Variants in NOX4 observed in about 807,000 individuals in gnomAD.
NOX4 encodes kidney oxidase-1.
A neutral mutation model predicts 87.6 loss-of-function variants in NOX4; 69 were observed. The ratio of observed to expected loss-of-function variants is 0.79; its 90% CI spans 0.65 to 0.96. The LOEUF (loss-of-function observed/expected upper bound fraction) is 0.96, where lower values mean the gene tolerates loss of function less well. Ranked by LOEUF, NOX4 falls within the 40% of genes least tolerant of loss-of-function variation. The probability of loss-of-function intolerance (pLI) is 0.00; values close to 1 mark genes in which losing one functional copy is unlikely to be tolerated. For missense variants in NOX4, 680 were observed against 681.5 expected (o/e 1.00, Z 0.02); for synonymous variants, 275 against 238.2 (o/e 1.15, Z -1.42).
At chr11:89,440,849 G>T in intron 5 of NOX4, 134 bp from the exon 6 acceptor site, 1 of 483,932 alleles carries the variant, frequency 2.1e-6, no homozygotes, top group Non-Finnish European at 3.7e-6. Flanking sequence ...AAGTGAGAAA[G>T]ACTCGATTAA....
chr11:89,471,100 T>C (rs922501026), intron 2 of NOX4, among the ~76,000 whole-genome samples: 8 of 152,280 alleles, frequency 5.3e-5, no homozygotes, highest in Admixed American at 5.2e-4. Context: ...CTCTCCAAAT[T>C]TCCCTTTTAC....
At chr11:89,581,867 C>A in the NOX4 span, among the ~76,000 whole-genome samples, 1 of 151,954 alleles carries the variant, frequency 6.6e-6, no homozygotes, top group African/African-American at 2.4e-5. Context: ...ATTTCTTTTG[C>A]AGGAGTACTT....
upstream of NOX4, chr11:89,492,224 A>G (rs1036392061): frequency 1.3e-5 from 2 of 152,172 alleles, no homozygotes; most frequent in African/African-American, 4.8e-5. Flanking sequence ...TCGACACTGC[A>G]ACAAATCAGT....
the NOX4 span, among the ~76,000 whole-genome samples, chr11:89,562,995 C>T: frequency 1.3e-5 from 2 of 152,276 alleles, no homozygotes; most frequent in East Asian, 3.9e-4. Context: ...CCCCTCCGCT[C>T]ACGCTCTTTC....
the NOX4 span, among the ~76,000 whole-genome samples, chr11:89,565,864 A>G: frequency 8.5e-5 from 13 of 152,182 alleles, no homozygotes; most frequent in East Asian, 1.5e-3. Context: ...CTTTAATATA[A>G]AAGTAAATTA....
chr11:89,387,745 A>C (rs917573906), intron 11 of NOX4, among the ~76,000 whole-genome samples: 44 of 152,168 alleles, frequency 2.9e-4, no homozygotes, highest in African/African-American at 1.1e-3. Context: ...AGGAAGCACT[A>C]GGTTTCTTGC....
chr11:89,334,934 A>G (rs1347711947), intron 17 of NOX4, among the ~76,000 whole-genome samples: 1 of 151,744 alleles, frequency 6.6e-6, no homozygotes, highest in Non-Finnish European at 1.5e-5. Flanking sequence ...TGAAAGAAAA[A>G]GAATGATGTA....
At chr11:89,550,913 T>G in the NOX4 span, among the ~76,000 whole-genome samples, 2 of 152,206 alleles carry the variant, frequency 1.3e-5, no homozygotes, top group South Asian at 2.1e-4. Context: ...TTTTATGGTT[T>G]TAGGTCTTAT....
intron 12 of NOX4, among the ~76,000 whole-genome samples, chr11:89,371,073 C>A (rs187311847): frequency 1.3e-5 from 2 of 152,064 alleles, no homozygotes; most frequent in South Asian, 4.2e-4. Context: ...CTCTTAATAC[C>A]GAGTTTTAAT....
At chr11:89,334,941 T>A (rs1432316356) in intron 17 of NOX4, among the ~76,000 whole-genome samples, 1 of 151,706 alleles carries the variant, frequency 6.6e-6, no homozygotes, top group Non-Finnish European at 1.5e-5. Context: ...AAAAGAATGA[T>A]GTAAAACATC....
chr11:89,531,736 T>G, the NOX4 span, among the ~76,000 whole-genome samples: 822 of 152,314 alleles, frequency 5.4e-3, 5 homozygotes, highest in African/African-American at 0.019. Flanking sequence ...TGCAAAAACA[T>G]CTCCAAAGCA....
the NOX4 span, among the ~76,000 whole-genome samples, chr11:89,522,984 T>C: frequency 6.6e-6 from 1 of 152,150 alleles, no homozygotes; most frequent in East Asian, 1.9e-4. Context: ...GGATAACTGA[T>C]TAGACCCAAT....
the NOX4 span, among the ~76,000 whole-genome samples, chr11:89,571,366 G>A: frequency 1.5e-3 from 229 of 150,026 alleles, 5 homozygotes; most frequent in East Asian, 0.029. Flanking sequence ...GCATGATGTC[G>A]ACTCACTCCA....
intron 8 of NOX4, among the ~76,000 whole-genome samples, chr11:89,405,131 T>G (rs971922042): frequency 8.9e-5 from 13 of 145,926 alleles, no homozygotes; most frequent in Non-Finnish European, 1.5e-4. Flanking sequence ...TGGGGCTGCT[T>G]ATAATTTAGG....
chr11:89,562,547 C>T, the NOX4 span, among the ~76,000 whole-genome samples: 2 of 152,092 alleles, frequency 1.3e-5, no homozygotes, highest in African/African-American at 4.8e-5. Context: ...AAGTACTTAA[C>T]ATGGCACATA....
the NOX4 span, among the ~76,000 whole-genome samples, chr11:89,506,825 C>T: frequency 0.015 from 2,257 of 151,896 alleles, 45 homozygotes; most frequent in African/African-American, 0.047. Context: ...CATAACTAAA[C>T]ACCATTAGTT....
At chr11:89,373,874 G>A (rs1456880174) in intron 11 of NOX4, among the ~76,000 whole-genome samples, 16 of 151,912 alleles carry the variant, frequency 1.1e-4, no homozygotes, top group Non-Finnish European at 5.9e-5. Flanking sequence ...TTTCTCCCTA[G>A]ATAATATATA....
chr11:89,493,470 A>C (rs1239187013), upstream of NOX4, among the ~76,000 whole-genome samples: 1 of 152,106 alleles, frequency 6.6e-6, no homozygotes, highest in Non-Finnish European at 1.5e-5. Context: ...TTTGCTTCCA[A>C]TTAAAACAAC....
intron 2 of NOX4, among the ~76,000 whole-genome samples, chr11:89,459,254 C>T (rs996215585): frequency 6.6e-6 from 1 of 151,710 alleles, no homozygotes; most frequent in African/African-American, 2.4e-5. Context: ...ACTGAGTAAA[C>T]AGGAACGTAA....
Sources: gnomAD v4.1 joint callset for allele counts (sites outside exome capture counted in the v4.1 genomes callset) on GRCh38, gnomAD v4.1.1 for gene constraint, MANE v1.5 for transcripts, NCBI Gene and HGNC (gene_info 2026-07-23, HGNC 2026-07-21) for gene names.